Variants in TIAM2 observed in about 807,000 individuals in gnomAD.
TIAM2 encodes the protein rho guanine nucleotide exchange factor TIAM2.
In TIAM2, 80 loss-of-function variants were observed where a neutral mutation model predicts 152.9. The observed-to-expected ratio is 0.52, with a 90% CI of 0.44 to 0.63. The LOEUF (loss-of-function observed/expected upper bound fraction) is 0.63, where lower values mean the gene tolerates loss of function less well. Ranked by LOEUF, TIAM2 falls within the 30% of genes least tolerant of loss-of-function variation. The probability of loss-of-function intolerance (pLI) is 0.00; values close to 1 mark genes in which losing one functional copy is unlikely to be tolerated. For missense variants in TIAM2, 1,965 were observed against 2,120.1 expected (o/e 0.93, Z 1.44); for synonymous variants, 804 against 838.0 (o/e 0.96, Z 0.70).
chr6:155,121,169 AATATC>A (rs1779140518), intron 2 of TIAM2, among the ~76,000 whole-genome samples: 1 of 152,178 alleles, frequency 6.6e-6, no homozygotes, highest in Non-Finnish European at 1.5e-5. Context: ...AATAAGATCT[AATATC>A]ATAATATACA....
chr6:155,094,102 A>G (rs569157485), intron 2 of TIAM2, among the ~76,000 whole-genome samples: 9 of 152,244 alleles, frequency 5.9e-5, no homozygotes, highest in Admixed American at 1.3e-4. Context: ...AAAACTAAGA[A>G]TTTTACAAAA....
chr6:155,224,326 C>T (rs978212853), intron 15 of TIAM2, among the ~76,000 whole-genome samples: 2 of 152,110 alleles, frequency 1.3e-5, no homozygotes, highest in African/African-American at 4.8e-5. Flanking sequence ...TCTATAGACT[C>T]AGCTAAGAGT....
At chr6:155,192,606 T>C (rs1196067237) in intron 14 of TIAM2, among the ~76,000 whole-genome samples, 2 of 150,218 alleles carry the variant, frequency 1.3e-5, no homozygotes, top group Non-Finnish European at 3.0e-5. Context: ...GTAAACACAA[T>C]AAACATTCTT....
chr6:155,185,259 T>C (rs1042761123), intron 14 of TIAM2, among the ~76,000 whole-genome samples: 1 of 150,130 alleles, frequency 6.7e-6, no homozygotes, highest in Non-Finnish European at 1.5e-5. Flanking sequence ...CTGAAGTAGC[T>C]GGGACTACAG....
intron 22 of TIAM2, 111 bp downstream of exon 22, chr6:155,251,132 T>A: frequency 1.1e-6 from 1 of 920,790 alleles, no homozygotes; most frequent in Non-Finnish European, 1.7e-6. Flanking sequence ...TCAGAATTGC[T>A]ATAATGGTTG....
Position 155,257,672 on chromosome 6 carries a change from A to ATGAT in TIAM2, c.*552_*555dup, listed in dbSNP as rs1784158215. 2 of 728,868 alleles carry ATGAT rather than the reference A, an allele frequency of 2.7e-6. No individual in the cohort carries two copies. Among genetic ancestry groups the ATGAT allele is most frequent in the African/African-American group, 3.6e-5 (2 of 56,190 alleles). The allele number at this position is 728,868 out of a possible 1,614,324, so 45.2% of individuals were successfully genotyped here. The stretch of plus-strand genomic sequence containing the variant: ...GAAAGCTTGTACTGTATCTTATTTG[A>ATGAT]TGATATTTATTTTCTCTGCCAAGCT... On this transcript the variant is annotated 3_prime_UTR_variant, in exon 27 of 27. Coordinates refer to ENST00000682666, the MANE Select transcript of TIAM2 (RefSeq NM_012454.4).
At chr6:155,184,855 A>G (rs1780997319) in intron 14 of TIAM2, among the ~76,000 whole-genome samples, 1 of 152,198 alleles carries the variant, frequency 6.6e-6, no homozygotes, top group African/African-American at 2.4e-5. Flanking sequence ...AATGTCATAA[A>G]ACAAAAATTA....
intron 20 of TIAM2, among the ~76,000 whole-genome samples, chr6:155,249,494 T>C (rs1191850258): frequency 1.3e-5 from 2 of 152,148 alleles, no homozygotes; most frequent in African/African-American, 4.8e-5. Flanking sequence ...TAAAATGGGA[T>C]GGTTTAGTCT....
chr6:155,164,559 G>A lies in TIAM2; in HGVS notation c.2173G>A (p.Gly725Ser), dbSNP rs146077154. ...AASRPSKLAL[G>S]RLGILSVSSF... ...CAGCCGCCCCTCCAAGCTGGCCCTC[G>A]GCAGGCTGGGCATCTTGTCTGTTTC... Residue 725 changes from glycine to serine, a missense_variant, in exon 8 of 27, where the codon GGC becomes AGC. Transcript: ENST00000682666. 2.1e-4 allele frequency: 346 copies of A among 1,613,714 alleles called. No homozygotes were observed. Among genetic ancestry groups the A allele is most frequent in the Non-Finnish European group, 2.7e-4 (316 of 1,179,860 alleles).
At chr6:155,173,054 G>A (rs916605831) in intron 9 of TIAM2, among the ~76,000 whole-genome samples, 2 of 151,932 alleles carry the variant, frequency 1.3e-5, no homozygotes, top group African/African-American at 4.8e-5. Flanking sequence ...TAAGAGATCT[G>A]TAAGCACCAA....
At chr6:155,002,606 T>G (rs944863745) in intron 1 of TIAM2, among the ~76,000 whole-genome samples, 1 of 152,134 alleles carries the variant, frequency 6.6e-6, no homozygotes, top group Admixed American at 6.6e-5. Flanking sequence ...CTATATCAAT[T>G]GTTGCATTCA....
intron 14 of TIAM2, among the ~76,000 whole-genome samples, chr6:155,206,566 C>T (rs1002797289): frequency 9.9e-5 from 15 of 152,206 alleles, no homozygotes; most frequent in Middle Eastern, 3.4e-3. Flanking sequence ...GAGAGATGGC[C>T]GAGCCTGGTC....
chr6:155,190,906 G>T (rs1419950250), intron 14 of TIAM2, among the ~76,000 whole-genome samples: 5 of 152,098 alleles, frequency 3.3e-5, no homozygotes, highest in African/African-American at 1.2e-4. Flanking sequence ...GTGCTTGTTT[G>T]TGTTTCTATT....
chr6:155,075,032 C>T lies in TIAM2; in HGVS notation c.-208-15257C>T, dbSNP rs995237272. Reference sequence around the variant, plus strand: ...TGGATAAGGACGGTGGGTGCAGCCGCGGCTCTGGACCAGGGTGGCAGGGTG... The same window carrying T: ...TGGATAAGGACGGTGGGTGCAGCCGTGGCTCTGGACCAGGGTGGCAGGGTG... On this transcript the variant is annotated intron_variant, in intron 1 of 26. Coordinates refer to ENST00000682666, the MANE Select transcript of TIAM2 (RefSeq NM_012454.4). 2.0e-5 allele frequency among the ~76,000 whole-genome samples: 3 copies of T among 151,842 alleles called. 1 individual carries two copies. The highest frequency in any genetic ancestry group is 4.2e-4 in the South Asian group (2 of 4,808).
At chr6:155,167,207 G>A (rs1780464832) in intron 9 of TIAM2, among the ~76,000 whole-genome samples, 2 of 148,420 alleles carry the variant, frequency 1.3e-5, no homozygotes, top group Non-Finnish European at 3.0e-5. Context: ...TAAAATTGTG[G>A]TTCTACTTGT....
At chr6:155,172,673 T>TAGATATATAG (rs1780639568) in intron 9 of TIAM2, among the ~76,000 whole-genome samples, 2 of 13,132 alleles carry the variant, frequency 1.5e-4, no homozygotes, top group African/African-American at 8.5e-4. Flanking sequence ...TATATATATA[T>TAGATATATAG]ATATATATAT....
rs910718818 is a variant in TIAM2 at position 155,047,889 on chromosome 6, G to A, written c.-208-42400G>A. Among the ~76,000 whole-genome samples, 8 of 152,284 alleles carry A rather than the reference G, an allele frequency of 5.3e-5. No homozygotes were observed. The South Asian group carries it at 1.4e-3, about 28-fold the overall frequency. On this transcript the variant is annotated intron_variant, in intron 1 of 26. Transcript: ENST00000682666. ...GGTATAGACTCTGCCAGTGCTGACC[G>A]CTGGGTCCTGTAGGGCTGAATGGTA...
At chr6:155,063,550 G>A (rs1237009166) in intron 1 of TIAM2, among the ~76,000 whole-genome samples, 2 of 152,096 alleles carry the variant, frequency 1.3e-5, no homozygotes, top group East Asian at 1.9e-4. Flanking sequence ...TTGGAAGGCC[G>A]AGGTGGGCGG....
chr6:155,206,864 C>T (rs1472599732), intron 14 of TIAM2, among the ~76,000 whole-genome samples: 6 of 152,186 alleles, frequency 3.9e-5, no homozygotes, highest in Non-Finnish European at 8.8e-5. Context: ...AAATAGATAA[C>T]TCTTGACTTG....
Sources: gnomAD v4.1 joint callset for allele counts (sites outside exome capture counted in the v4.1 genomes callset) on GRCh38, gnomAD v4.1.1 for gene constraint, MANE v1.5 for transcripts, NCBI Gene and HGNC (gene_info 2026-07-23, HGNC 2026-07-21) for gene names.